Variants in DDR1 observed in about 807,000 individuals in gnomAD.
DDR1 encodes epithelial discoidin domain-containing receptor 1.
DDR1 carries 64 observed loss-of-function variants against 97.4 expected under a neutral mutation model. The observed-to-expected ratio is 0.66, with a 90% CI of 0.54 to 0.81. The LOEUF (loss-of-function observed/expected upper bound fraction) is 0.81, where lower values mean the gene tolerates loss of function less well. Ranked by LOEUF, DDR1 falls within the 30% of genes least tolerant of loss-of-function variation. The pLI is 0.00. For synonymous variants in DDR1, 458 were observed against 503.7 expected (o/e 0.91, Z 1.21); for missense variants, 990 against 1,259.6 (o/e 0.79, Z 3.24).
chr6:30,895,461 C>T lies in DDR1; in HGVS notation c.1571C>T (p.Pro524Leu), dbSNP rs921859872. ...CTTCTGGCCACTTACGCCCGTCCCC[C>T]TCGAGGCCCGGGCCCCCCCACACCC... Reference protein sequence around the residue: ...RLLLATYARPPRGPGPPTPAW... With the variant: ...RLLLATYARPLRGPGPPTPAW... Residue 524 changes from proline to leucine, a missense_variant, in exon 12 of 18, where the codon CCT (proline) becomes CTT (leucine). By Grantham distance (98) the Pro-to-Leu change is moderately conservative. Coordinates refer to ENST00000376568, the MANE Select transcript of DDR1 (RefSeq NM_001297654.2). 53 of 1,608,370 alleles carry T rather than the reference C, an allele frequency of 3.3e-5. No homozygotes were observed. Among genetic ancestry groups the T allele is most frequent in the Non-Finnish European group, 4.2e-5 (49 of 1,179,164 alleles).
intron 10 of DDR1, 101 bp downstream of exon 10, chr6:30,893,524 A>G: frequency 6.8e-7 from 1 of 1,475,998 alleles, no homozygotes; most frequent in African/African-American, 1.4e-5. Context: ...TAGCATCCCA[A>G]GAGGAGGGCT....
At position 30,889,001 on chromosome 6, in the gene DDR1, G is replaced by A. The variant is rs141798548; in HGVS notation, c.179G>A (p.Arg60His). 10 of 1,612,930 alleles carry A rather than the reference G, an allele frequency of 6.2e-6. No individual in the cohort carries two copies. The African/African-American group carries it at 6.7e-5, about 11-fold the overall frequency. Reference protein sequence around the residue: ...SSSWSDSTAARHSRLESSDGD... With the variant: ...SSSWSDSTAAHHSRLESSDGD... ...TCCTGGTCAGATTCCACTGCCGCCC[G>A]CCACAGCAGGTACTTGGCACACCTG... The change falls in exon 3 of 18, where the codon CGC becomes CAC. Residue 60 changes from arginine to histidine, a missense_variant. By Grantham distance (29) the Arg-to-His change is conservative. Transcript: ENST00000376568. This position sits in a 1 kb window ranked among gnomAD's most constrained non-coding sequence, Gnocchi z 4.9.
At chr6:30,885,278 C>T (rs1317057239) in intron 1 of DDR1, 1 of 1,528,598 alleles carries the variant, frequency 6.5e-7, no homozygotes, top group Admixed American at 2.0e-5. Flanking sequence ...TGGCTCTTGG[C>T]TGAACATTTC....
At chr6:30,885,267 C>T (rs1400408219) in intron 1 of DDR1, 1 of 1,532,300 alleles carries the variant, frequency 6.5e-7, no homozygotes, top group Non-Finnish European at 8.7e-7. Flanking sequence ...CCCCCCATGC[C>T]TGGCTCTTGG....
intron 1 of DDR1, among the ~76,000 whole-genome samples, chr6:30,887,852 G>A (rs983236793): frequency 1.3e-5 from 2 of 151,834 alleles, no homozygotes; most frequent in Admixed American, 6.6e-5. Context: ...CTCCCATCTC[G>A]GCCTCCCAAA....
In DDR1 at chr6:30,897,985, C is replaced by G; in HGVS notation, c.2217-88C>G. Reference sequence around the variant, plus strand: ...ACCTCCACATGGGGAGCCAGAGTGACCGGGCCCGGGGAGTGGGCTCTCTCT... The same window carrying G: ...ACCTCCACATGGGGAGCCAGAGTGAGCGGGCCCGGGGAGTGGGCTCTCTCT... On this transcript the variant is annotated intron_variant, in intron 15 of 17. Transcript: ENST00000376568. The surrounding 1 kb of genome is among the most constrained non-coding windows in gnomAD (Gnocchi z 5.2). 1 of 1,026,596 alleles carries G rather than the reference C, an allele frequency of 9.7e-7. No homozygotes were observed. Among genetic ancestry groups the G allele is most frequent in the South Asian group, 1.5e-5 (1 of 68,476 alleles). 63.6% of individuals were successfully genotyped at this position (1,026,596 alleles called of 1,614,324 possible).
At position 30,891,207 on chromosome 6, in the gene DDR1, TCTC is replaced by T. The variant is rs753639849; in HGVS notation, c.565+90_565+92del. Reference sequence around the variant, plus strand: ...TGGAGAATGGGCATCCAGGATCCCTTCTCCTGCTGGGAAGCTGTCACTCTGAGG... The same window carrying T: ...TGGAGAATGGGCATCCAGGATCCCTTCTGCTGGGAAGCTGTCACTCTGAGG... On this transcript the variant is annotated intron_variant, in intron 5 of 17. Coordinates refer to ENST00000376568, the MANE Select transcript of DDR1 (RefSeq NM_001297654.2). This position sits in a 1 kb window ranked among gnomAD's most constrained non-coding sequence, Gnocchi z 5.3. 4.5e-6 allele frequency: 7 copies of T among 1,563,794 alleles called. No individual in the cohort carries two copies. Among genetic ancestry groups the T allele is most frequent in the South Asian group, 2.3e-5 (2 of 86,760 alleles).
At chr6:30,892,993 C>A in intron 8 of DDR1, 75 bp from the exon 9 acceptor site, 3 of 1,286,552 alleles carry the variant, frequency 2.3e-6, no homozygotes, top group Non-Finnish European at 2.2e-6. Flanking sequence ...CTTTGCACAA[C>A]AGTCCACTGC....
rs1369120297 is a variant in DDR1, at chr6:30,897,558, C to G, written c.2177C>G (p.Ala726Gly). Residue 726 changes from alanine (A) to glycine (G), a missense_variant, in exon 15 of 18, where the codon GCC (alanine) becomes GGC (glycine). Physicochemically the swap from Ala to Gly is moderately conservative, Grantham distance 60. Coordinates refer to ENST00000376568, the MANE Select transcript of DDR1 (RefSeq NM_001297654.2). The surrounding 1 kb of genome is among the most constrained non-coding windows in gnomAD (Gnocchi z 5.2). The stretch of plus-strand genomic sequence containing the variant: ...CTGGAGGACAAGGCAGCCGAGGGGG[C>G]CCCTGGGGACGGGCAGGCTGCGCAG... ...HQLEDKAAEG[A>G]PGDGQAAQGP... 1 of 1,613,334 alleles carries G rather than the reference C, an allele frequency of 6.2e-7. No homozygotes were observed. The highest frequency in any genetic ancestry group is 1.3e-5 in the African/African-American group (1 of 74,908).
rs748529802 is a variant in DDR1 at position 30,888,725 on chromosome 6, G to A, written c.-5G>A. ...CACCCCCTTAGGCCCGAGGGATCAG[G>A]AGCTATGGGACCAGAGGCCCTGTCA... On this transcript the variant is annotated 5_prime_UTR_variant, in exon 2 of 18. Coordinates refer to ENST00000376568, the MANE Select transcript of DDR1 (RefSeq NM_001297654.2). This position sits in a 1 kb window ranked among gnomAD's most constrained non-coding sequence, Gnocchi z 4.2. 8.7e-6 allele frequency: 14 copies of A among 1,612,794 alleles called. No homozygotes were observed. The Admixed American group carries it at 1.3e-4, about 15-fold the overall frequency.
In DDR1 at chr6:30,899,323, A is replaced by G. The variant is rs201879795; in HGVS notation, c.*27A>G. Reference sequence around the variant, plus strand: ...TCACACATCCAGCTGCCCCTCCCTCAGGGAGCGATCCAGGGGAAGCCAGTG... The same window carrying G: ...TCACACATCCAGCTGCCCCTCCCTCGGGGAGCGATCCAGGGGAAGCCAGTG... On this transcript the variant is annotated 3_prime_UTR_variant, in exon 18 of 18. Coordinates refer to ENST00000376568, the MANE Select transcript of DDR1 (RefSeq NM_001297654.2). The G allele has an allele frequency of 3.7e-4, 591 of 1,594,050 alleles. 1 individual carries two copies. The highest frequency in any genetic ancestry group is 4.8e-4 in the South Asian group (42 of 88,218).
Position 30,897,392 on chromosome 6 carries a change from A to G in DDR1, c.2011A>G (p.Lys671Glu). The G allele has an allele frequency of 6.2e-7, 1 of 1,614,062 alleles. No homozygotes were observed. Among genetic ancestry groups the G allele is most frequent in the Non-Finnish European group, 8.5e-7 (1 of 1,179,990 alleles). Residue 671 changes from lysine to glutamate, a missense_variant, in exon 15 of 18, where the codon AAA becomes GAA. Coordinates refer to ENST00000376568, the MANE Select transcript of DDR1 (RefSeq NM_001297654.2). This position sits in a 1 kb window ranked among gnomAD's most constrained non-coding sequence, Gnocchi z 5.2. ...ATKNARNDFLKEVKIMSRLKD... is the reference protein window; with the variant it reads ...ATKNARNDFLEEVKIMSRLKD... Reference sequence around the variant, plus strand: ...CTTGTTCTCCAGGAATGATTTCCTGAAAGAGGTGAAGATCATGTCGAGGCT... The same window carrying G: ...CTTGTTCTCCAGGAATGATTTCCTGGAAGAGGTGAAGATCATGTCGAGGCT...
chr6:30,898,375 C>A, intron 16 of DDR1, 68 bp downstream of exon 16: 1 of 1,157,334 alleles, frequency 8.6e-7, no homozygotes, highest in South Asian at 1.4e-5. Flanking sequence ...CACTCACAGC[C>A]CTGGTCTCCA....
In DDR1 at chr6:30,892,176, C is replaced by T. The variant is rs1788655360; in HGVS notation, c.840C>T (p.Phe280=). The part of the protein sequence containing the change: ...MEFEFDRLRA[F]QAMQVHCNNM... ...TTGAGTTTGACCGGCTGAGGGCCTT[C>T]CAGGCTATGCAGGTGAGTGAGTCCG... The change falls in exon 7 of 18, where the codon TTC becomes TTT. Residue 280 remains phenylalanine (F), a synonymous_variant. Coordinates refer to ENST00000376568, the MANE Select transcript of DDR1 (RefSeq NM_001297654.2). The T allele has an allele frequency of 1.9e-6, 3 of 1,614,152 alleles. No individual in the cohort carries two copies. The highest frequency in any genetic ancestry group is 2.2e-5 in the East Asian group (1 of 44,884).
rs1034287311 is a variant in DDR1 at position 30,884,530 on chromosome 6, CG to C, written c.-221del. On this transcript the variant is annotated 5_prime_UTR_variant, in exon 1 of 18. Coordinates refer to ENST00000376568, the MANE Select transcript of DDR1 (RefSeq NM_001297654.2). The surrounding 1 kb of genome is among the most constrained non-coding windows in gnomAD (Gnocchi z 6.1). ...CCGCCCCAGCCCTGGCTCCTCTCCCCGGAACAGGCCCCCGACAGCTGCTCTC... is the reference window on the plus strand; with the variant it reads ...CCGCCCCAGCCCTGGCTCCTCTCCCCGAACAGGCCCCCGACAGCTGCTCTC... 2 of 151,850 alleles carry C rather than the reference CG, an allele frequency of 1.3e-5. No homozygotes were observed. The highest frequency in any genetic ancestry group is 4.8e-5 in the African/African-American group (2 of 41,346). 9.4% of individuals were successfully genotyped at this position (151,850 alleles called of 1,614,324 possible). A position where few individuals can be genotyped will look rare whatever the true frequency, so the allele number is the denominator to read the frequency against.
rs922905363 is a variant in DDR1 at position 30,885,213 on chromosome 6, T to G, written c.-43+503T>G. On this transcript the variant is annotated intron_variant, in intron 1 of 17. Coordinates refer to ENST00000376568, the MANE Select transcript of DDR1 (RefSeq NM_001297654.2). ...GCTGGATGGTCAATTAGCTCTGGCA[T>G]GAGAGAATGTCACTGCCGGTGAGCG... 741 of 1,533,472 alleles carry G rather than the reference T, an allele frequency of 4.8e-4. 1 individual carries two copies. Among genetic ancestry groups the G allele is most frequent in the Non-Finnish European group, 6.3e-4 (722 of 1,145,118 alleles). The allele number at this position is 1,533,472 out of a possible 1,614,324, so 95.0% of individuals were successfully genotyped here.
chr6:30,889,993 C>A lies in DDR1; in HGVS notation c.417+563C>A, dbSNP rs1787432034. Among the ~76,000 whole-genome samples the A allele has an allele frequency of 6.6e-6, 1 of 152,174 alleles. No homozygotes were observed. The highest frequency in any genetic ancestry group is 2.4e-5 in the African/African-American group (1 of 41,434). The stretch of plus-strand genomic sequence containing the variant: ...CTGAGTCCAGTCACTCCTCACCACT[C>A]CACCTCTACTGCCCTAGGCCACCTG... On this transcript the variant is annotated intron_variant, in intron 4 of 17. Transcript: ENST00000376568. This position sits in a 1 kb window ranked among gnomAD's most constrained non-coding sequence, Gnocchi z 4.9.
chr6:30,898,856 T>C lies in DDR1; in HGVS notation c.2452-32T>C, dbSNP rs200830702. 122 of 1,590,810 alleles carry C rather than the reference T, an allele frequency of 7.7e-5. 1 individual carries two copies. The South Asian group carries it at 1.3e-3, about 16-fold the overall frequency. On this transcript the variant is annotated intron_variant, in intron 16 of 17. Coordinates refer to ENST00000376568, the MANE Select transcript of DDR1 (RefSeq NM_001297654.2). ...GAGGGTCTACGTTGCCTGATGTCCC[T>C]GTCTGTTTTTGCTGCCTTCTCTGCA...
In DDR1 at chr6:30,899,868, T is replaced by G. The variant is rs1198826533; in HGVS notation, c.*572T>G. ...CCTGGGGGTAGCCCCGCCCCAGCCC[T>G]CAGTCACCCCCACTTCCCACTTGCA... is the stretch of plus-strand genomic sequence containing the variant. On this transcript the variant is annotated 3_prime_UTR_variant, in exon 18 of 18. Transcript: ENST00000376568. 9.1e-6 allele frequency: 4 copies of G among 439,926 alleles called. No individual in the cohort carries two copies. The highest frequency in any genetic ancestry group is 2.0e-5 in the African/African-American group (1 of 50,252). The allele number at this position is 439,926 out of a possible 1,614,324, so 27.3% of individuals were successfully genotyped here.
Sources: allele counts gnomAD v4.1 joint callset (sites outside exome capture counted in the v4.1 genomes callset), GRCh38; gene constraint gnomAD v4.1.1; non-coding constraint Gnocchi (gnomAD v3.1); transcripts MANE v1.5; gene names NCBI Gene and HGNC (gene_info 2026-07-23, HGNC 2026-07-21).